CLIC5: variants seen among roughly 807,000 people sequenced by gnomAD.
The protein encoded by CLIC5 is CLIC family member 5, also known as chloride intracellular channel protein 5.
Under a neutral mutation model 24.7 loss-of-function variants are expected in CLIC5, and 20 were observed. That is an observed-to-expected ratio of 0.81 (90% CI 0.57 to 1.18). The LOEUF (loss-of-function observed/expected upper bound fraction) is 1.18. Among genes scored for constraint, CLIC5 ranks in the 50% most tolerant of loss-of-function variants. The pLI, the probability that CLIC5 is intolerant of heterozygous loss-of-function variation, is 0.00. For missense variants in CLIC5, 341 were observed against 326.1 expected (o/e 1.05, Z -0.35); for synonymous variants, 159 against 135.6 (o/e 1.17, Z -1.20).
downstream of CLIC5, among the ~76,000 whole-genome samples, chr6:45,896,204 C>A (rs988058143): frequency 3.0e-4 from 45 of 152,136 alleles, no homozygotes; most frequent in African/African-American, 9.9e-4. Flanking sequence ...AGAAAAAATT[C>A]ACATAGACGA....
chr6:46,014,587 G>A (rs557750808), intron 1 of CLIC5: 2 of 152,160 alleles, frequency 1.3e-5, no homozygotes, highest in Non-Finnish European at 2.9e-5. Flanking sequence ...AGCCCTGGAG[G>A]CTACTCTCCC....
chr6:46,115,892 C>T, the CLIC5 span, among the ~76,000 whole-genome samples: 2 of 152,194 alleles, frequency 1.3e-5, no homozygotes, highest in Admixed American at 1.3e-4. Context: ...AAGAGGGAAC[C>T]GGTATCTTCA....
chr6:46,057,227 G>T (rs1159709425), intron 1 of CLIC5, among the ~76,000 whole-genome samples: 1 of 152,168 alleles, frequency 6.6e-6, no homozygotes. Context: ...GTTGTGGGAG[G>T]GACCCAGGGG....
chr6:45,976,422 A>G (rs1765386092), intron 1 of CLIC5, among the ~76,000 whole-genome samples: 1 of 152,092 alleles, frequency 6.6e-6, no homozygotes, highest in Non-Finnish European at 1.5e-5. Context: ...GACTTTCAGG[A>G]TTTAAAACTG....
chr6:46,108,813 G>A, the CLIC5 span, among the ~76,000 whole-genome samples: 1 of 151,926 alleles, frequency 6.6e-6, no homozygotes, highest in Non-Finnish European at 1.5e-5. Context: ...TTTTTTCAGT[G>A]ACTTGTGTTC....
rs1239276167 is a variant in CLIC5 at position 45,901,494 on chromosome 6, GC to G, written c.*1593del. ...CTATGGAAAGGACCCGTGCTATCCT[GC>G]CCTTGCTGAGAAATGAGCCAAGTCC... On this transcript the variant is annotated 3_prime_UTR_variant, in exon 6 of 6. Coordinates refer to ENST00000339561, the MANE Select transcript of CLIC5 (RefSeq NM_016929.5). 1 of 152,182 alleles carries G rather than the reference GC, an allele frequency of 6.6e-6. No individual in the cohort carries two copies. Among genetic ancestry groups the G allele is most frequent in the East Asian group, 1.9e-4 (1 of 5,150 alleles). The allele number at this position is 152,182 out of a possible 1,614,324, so 9.4% of individuals were successfully genotyped here.
chr6:45,920,359 T>G (rs950825772), intron 4 of CLIC5: 1 of 919,578 alleles, frequency 1.1e-6, no homozygotes, highest in Non-Finnish European at 1.3e-6. Context: ...TCCATTTGGA[T>G]TTTTCCTAGG....
At chr6:45,947,042 G>A (rs1561954901) in intron 3 of CLIC5, among the ~76,000 whole-genome samples, 1 of 152,208 alleles carries the variant, frequency 6.6e-6, no homozygotes, top group Non-Finnish European at 1.5e-5. Context: ...TGGAGAGGAG[G>A]GAGTGGAGGG....
intron 1 of CLIC5, among the ~76,000 whole-genome samples, chr6:45,993,322 C>A (rs1035138155): frequency 1.3e-5 from 2 of 152,152 alleles, no homozygotes; most frequent in South Asian, 4.1e-4. Context: ...AAAAGGGAAC[C>A]ATTAGCATGT....
the CLIC5 span, among the ~76,000 whole-genome samples, chr6:46,126,262 G>T: frequency 2.0e-5 from 3 of 152,196 alleles, no homozygotes; most frequent in African/African-American, 4.8e-5. Flanking sequence ...GCAGGCAAAA[G>T]CAAGAGAGTA....
the CLIC5 span, chr6:46,123,005 A>G: frequency 6.6e-6 from 1 of 152,270 alleles, no homozygotes; most frequent in African/African-American, 2.4e-5. Context: ...CAGAGGTACA[A>G]GGAGTAGCTG....
intron 4 of CLIC5, among the ~76,000 whole-genome samples, chr6:45,929,658 C>T (rs922817495): frequency 1.3e-5 from 2 of 152,132 alleles, no homozygotes; most frequent in African/African-American, 2.4e-5. Context: ...CTGTGGAGGT[C>T]GGCCTGACCA....
chr6:45,927,332 C>G (rs564390107), intron 4 of CLIC5, among the ~76,000 whole-genome samples: 1 of 152,094 alleles, frequency 6.6e-6, no homozygotes, highest in Non-Finnish European at 1.5e-5. Flanking sequence ...CAACAGTGTC[C>G]GAATCGCCTG....
intron 3 of CLIC5, among the ~76,000 whole-genome samples, chr6:45,947,876 TC>T (rs1251812777): frequency 6.6e-6 from 1 of 152,204 alleles, no homozygotes; most frequent in Admixed American, 6.5e-5. Context: ...CTCAGCTGCT[TC>T]CAATGGGCTT....
chr6:45,920,425 C>T (rs1448717776), intron 4 of CLIC5: 5 of 489,380 alleles, frequency 1.0e-5, no homozygotes, highest in Non-Finnish European at 1.3e-5. Context: ...GAAGTTTTTA[C>T]TTTTCATCTT....
Position 45,902,168 on chromosome 6 carries a change from C to T in CLIC5, c.*920G>A, listed in dbSNP as rs1389781796. Reference sequence around the variant, plus strand: ...CGAGGCTCATAAAGAACTCTTTTGTCTTCACCCATCTCTCCTCCTCCCACT... The same window carrying T: ...CGAGGCTCATAAAGAACTCTTTTGTTTTCACCCATCTCTCCTCCTCCCACT... On this transcript the variant is annotated 3_prime_UTR_variant, in exon 6 of 6. Coordinates refer to ENST00000339561, the MANE Select transcript of CLIC5 (RefSeq NM_016929.5). 1 of 152,866 alleles carries T rather than the reference C, an allele frequency of 6.5e-6. No individual in the cohort carries two copies. The highest frequency in any genetic ancestry group is 1.9e-4 in the East Asian group (1 of 5,174). The allele number at this position is 152,866 out of a possible 1,614,324, so 9.5% of individuals were successfully genotyped here. A position where few individuals can be genotyped will look rare whatever the true frequency, so the allele number is the denominator to read the frequency against.
intron 1 of CLIC5, among the ~76,000 whole-genome samples, chr6:45,966,813 A>G (rs1339938904): frequency 6.6e-6 from 1 of 152,216 alleles, no homozygotes; most frequent in African/African-American, 2.4e-5. Flanking sequence ...TGGAGAGCCC[A>G]TTTTGGATCA....
intron 5 of CLIC5, chr6:45,911,478 TA>T: frequency 2.1e-6 from 1 of 472,858 alleles, no homozygotes; most frequent in South Asian, 9.1e-5. Flanking sequence ...CTGTCTTGGC[TA>T]AGAGCAAATT....
chr6:46,109,788 T>C, the CLIC5 span, among the ~76,000 whole-genome samples: 4 of 152,164 alleles, frequency 2.6e-5, no homozygotes, highest in African/African-American at 7.2e-5. Flanking sequence ...ACTCTTTACC[T>C]GATTTCTCCA....
Sources: allele counts gnomAD v4.1 joint callset (sites outside exome capture counted in the v4.1 genomes callset), GRCh38; gene constraint gnomAD v4.1.1; transcripts MANE v1.5; gene names NCBI Gene and HGNC (gene_info 2026-07-23, HGNC 2026-07-21).